COBL: variants seen among roughly 807,000 people sequenced by gnomAD.
COBL encodes the protein cordon-bleu WH2 repeat protein, also known as protein cordon-bleu.
In COBL, 51 loss-of-function variants were observed where a neutral mutation model predicts 98.8. The ratio of observed to expected loss-of-function variants is 0.52; its 90% CI spans 0.41 to 0.65. The LOEUF (loss-of-function observed/expected upper bound fraction) is 0.65, where lower values mean the gene tolerates loss of function less well. COBL is among the 30% of genes least tolerant of loss of function. COBL has a pLI of 0.00. For missense variants in COBL, 1,617 were observed against 1,617.5 expected, an observed-to-expected ratio of 1.00 and a Z score of 0.01; for synonymous variants, 634 against 651.7, an observed-to-expected ratio of 0.97 and a Z score of 0.41.
chr7:51,086,384 A>G (rs1794247150), intron 6 of COBL, among the ~76,000 whole-genome samples: 1 of 145,310 alleles, frequency 6.9e-6, no homozygotes, highest in Non-Finnish European at 1.5e-5. Context: ...AAAAAAAAAA[A>G]GAATGAACAT....
At chr7:51,293,538 G>A (rs140743592) in intron 1 of COBL, among the ~76,000 whole-genome samples, 1 of 152,228 alleles carries the variant, frequency 6.6e-6, no homozygotes, top group African/African-American at 2.4e-5. Context: ...GGAGAGGGAG[G>A]AATGGATTGC....
chr7:51,150,232 C>T (rs1448151325), intron 5 of COBL, among the ~76,000 whole-genome samples: 2 of 152,220 alleles, frequency 1.3e-5, no homozygotes, highest in East Asian at 3.9e-4. Flanking sequence ...AGTAGCCCAA[C>T]CTTCTGGTCC....
Position 51,017,079 on chromosome 7 carries a change from G to A in COBL, c.*472C>T. On this transcript the variant is annotated 3_prime_UTR_variant, in exon 13 of 13. Coordinates refer to ENST00000265136, the MANE Select transcript of COBL (RefSeq NM_015198.5). ...TACTACCAAAACACACAGCATCATG[G>A]AGCATATCACATTCAGATTGTTCCA... 1 of 412,868 alleles carries A rather than the reference G, an allele frequency of 2.4e-6. No homozygotes were observed. The highest frequency in any genetic ancestry group is 4.3e-6 in the Non-Finnish European group (1 of 234,696). The allele number at this position is 412,868 out of a possible 1,614,324, so 25.6% of individuals were successfully genotyped here. A position where few individuals can be genotyped will look rare whatever the true frequency, so the allele number is the denominator to read the frequency against.
intron 7 of COBL, among the ~76,000 whole-genome samples, chr7:51,056,772 C>A (rs138381767): frequency 6.7e-6 from 1 of 148,210 alleles, no homozygotes; most frequent in African/African-American, 2.5e-5. Flanking sequence ...TGGAGAAAAG[C>A]GAAATGACTA....
chr7:51,289,090 T>C (rs1483077212), intron 1 of COBL, among the ~76,000 whole-genome samples: 1 of 152,168 alleles, frequency 6.6e-6, no homozygotes, highest in African/African-American at 2.4e-5. Flanking sequence ...CCTCCCAGCA[T>C]GCCCACCGCA....
intron 1 of COBL, among the ~76,000 whole-genome samples, chr7:51,229,584 C>A (rs1794538332): frequency 6.6e-6 from 1 of 152,224 alleles, no homozygotes. Flanking sequence ...CAGCTCTGTA[C>A]CTTAGCTGAC....
At chr7:51,086,619 A>G (rs1794277869) in intron 6 of COBL, among the ~76,000 whole-genome samples, 1 of 139,324 alleles carries the variant, frequency 7.2e-6, no homozygotes, top group South Asian at 2.4e-4. Context: ...GGGGAGAGAG[A>G]CAATGAGAGG....
At chr7:51,278,961 G>A (rs578048721) in intron 1 of COBL, among the ~76,000 whole-genome samples, 3 of 152,324 alleles carry the variant, frequency 2.0e-5, no homozygotes, top group East Asian at 3.9e-4. Flanking sequence ...CGCAGCAGGC[G>A]GCAGGTGGCC....
At chr7:51,309,881 AG>A (rs950128076) in intron 1 of COBL, among the ~76,000 whole-genome samples, 5 of 152,196 alleles carry the variant, frequency 3.3e-5, no homozygotes, top group African/African-American at 1.2e-4. Context: ...GTTTTCGGAC[AG>A]GGGAGGGCGT....
chr7:51,079,799 T>TA (rs1562881966), intron 7 of COBL, among the ~76,000 whole-genome samples: 1 of 152,230 alleles, frequency 6.6e-6, no homozygotes. Context: ...TAGAGCCACA[T>TA]ACACCCGGGG....
intron 1 of COBL, 118 bp from the exon 2 acceptor site, chr7:51,220,062 C>A: frequency 1.1e-6 from 1 of 876,046 alleles, no homozygotes; most frequent in Non-Finnish European, 1.7e-6. Flanking sequence ...AGTGCCACGG[C>A]CTTTTTAAAA....
At chr7:51,275,123 A>G (rs1202707806) in intron 1 of COBL, among the ~76,000 whole-genome samples, 1 of 152,138 alleles carries the variant, frequency 6.6e-6, no homozygotes, top group Non-Finnish European at 1.5e-5. Flanking sequence ...TGAGGGACGC[A>G]CGTGGAGCCG....
intron 1 of COBL, among the ~76,000 whole-genome samples, chr7:51,287,592 C>A (rs547560272): frequency 6.6e-6 from 1 of 152,188 alleles, no homozygotes; most frequent in African/African-American, 2.4e-5. Flanking sequence ...ATGTTAAACA[C>A]TTTATGCATA....
intron 1 of COBL, among the ~76,000 whole-genome samples, chr7:51,309,884 G>A (rs1044401548): frequency 6.6e-6 from 1 of 152,196 alleles, no homozygotes; most frequent in Admixed American, 6.5e-5. Context: ...TTCGGACAGG[G>A]GAGGGCGTGG....
chr7:51,049,488 T>C lies in COBL; in HGVS notation c.1097-5796A>G, dbSNP rs1790032269. Among the ~76,000 whole-genome samples, 4 of 152,082 alleles carry C rather than the reference T, an allele frequency of 2.6e-5. No individual in the cohort carries two copies. The South Asian group carries it at 8.3e-4, about 32-fold the overall frequency. ...TTTGGAAGTGGATTCCCTTGGAAAG[T>C]CCTGATTCTCCCAGAAGAACGTGTA... On this transcript the variant is annotated intron_variant, in intron 7 of 12. Transcript: ENST00000265136.
chr7:51,205,647 GT>G (rs11463515), intron 2 of COBL, among the ~76,000 whole-genome samples: 90 of 142,376 alleles, frequency 6.3e-4, no homozygotes, highest in African/African-American at 1.2e-3. Flanking sequence ...TTGGTTTTTT[GT>G]TTTTTTTTTT....
chr7:51,159,191 G>A (rs1445363495), intron 5 of COBL, among the ~76,000 whole-genome samples: 1 of 152,294 alleles, frequency 6.6e-6, no homozygotes, highest in South Asian at 2.1e-4. Context: ...ACCGCAGGGC[G>A]CAAAGCAGGG....
intron 8 of COBL, among the ~76,000 whole-genome samples, chr7:51,041,867 G>A (rs914584424): frequency 1.3e-5 from 2 of 152,040 alleles, no homozygotes; most frequent in Non-Finnish European, 2.9e-5. Context: ...AAACATTGGC[G>A]GGCTGAAGAG....
chr7:51,282,905 A>G (rs1377841498), intron 1 of COBL, among the ~76,000 whole-genome samples: 2 of 152,164 alleles, frequency 1.3e-5, no homozygotes, highest in Non-Finnish European at 2.9e-5. Context: ...AGATAACCAT[A>G]AAATCTATAA....
Sources: gnomAD v4.1 joint callset for allele counts (sites outside exome capture counted in the v4.1 genomes callset) on GRCh38, gnomAD v4.1.1 for gene constraint, MANE v1.5 for transcripts, NCBI Gene and HGNC (gene_info 2026-07-23, HGNC 2026-07-21) for gene names.